The following SV2C variants were observed in gnomAD, a reference collection of about 807,000 sequenced individuals.
SV2C encodes the protein synaptic vesicle glycoprotein 2C, also known as solute carrier family 22 member B3.
A neutral mutation model predicts 79.7 loss-of-function variants in SV2C; 49 were observed. The observed-to-expected ratio is 0.61, with a 90% CI of 0.49 to 0.78. The LOEUF (loss-of-function observed/expected upper bound fraction) is 0.78. Ranked by LOEUF, SV2C falls within the 30% of genes least tolerant of loss-of-function variation. The pLI is 0.00. For missense variants in SV2C, 833 were observed against 912.9 expected, an observed-to-expected ratio of 0.91 and a Z score of 1.13; for synonymous variants, 334 against 333.2, an observed-to-expected ratio of 1.00 and a Z score of -0.03.
At chr5:76,057,315 G>A in the SV2C span, among the ~76,000 whole-genome samples, 1 of 151,944 alleles carries the variant, frequency 6.6e-6, no homozygotes, top group African/African-American at 2.4e-5. Context: ...TGCTATGTTG[G>A]TGTGCTGCAC....
intron 1 of SV2C, among the ~76,000 whole-genome samples, chr5:76,111,605 C>T (rs1403754098): frequency 6.6e-6 from 1 of 152,108 alleles, no homozygotes; most frequent in Non-Finnish European, 1.5e-5. Context: ...TTCTCCAGAC[C>T]GTACTGGCCG....
chr5:76,227,098 G>T (rs561753147), intron 4 of SV2C, among the ~76,000 whole-genome samples: 1 of 152,042 alleles, frequency 6.6e-6, no homozygotes, highest in Admixed American at 6.5e-5. Context: ...ATTGGCAGGC[G>T]ATGACACCTT....
At chr5:76,347,023 C>T (rs544732948) in intron 12 of SV2C, among the ~76,000 whole-genome samples, 36 of 152,264 alleles carry the variant, frequency 2.4e-4, no homozygotes, top group Non-Finnish European at 4.0e-4. Flanking sequence ...TGATAAAAAG[C>T]TCTTGGTGAG....
rs535698959 is a variant in SV2C at position 76,199,502 on chromosome 5, G to A, written c.761+4403G>A. ...TGGGTCTCAGAGAGTTTCCTGTTTT[G>A]TCTCCTTGGCAGCACTTACAACTGA... On this transcript the variant is annotated intron_variant, in intron 3 of 12. Transcript: ENST00000502798. 2.8e-4 allele frequency among the ~76,000 whole-genome samples: 43 copies of A among 152,246 alleles called. No individual in the cohort carries two copies. The East Asian group carries it at 8.1e-3, about 29-fold the overall frequency.
the SV2C span, among the ~76,000 whole-genome samples, chr5:75,861,115 TAAAC>T: frequency 6.6e-6 from 1 of 151,986 alleles, no homozygotes; most frequent in Non-Finnish European, 1.5e-5. Flanking sequence ...GTAAGGAACA[TAAAC>T]AAATTAACAA....
Position 76,243,012 on chromosome 5 carries a change from T to TAA in SV2C, c.913+33152_913+33153dup, listed in dbSNP as rs559052290. Among the ~76,000 whole-genome samples, 28 of 49,924 alleles carry TAA rather than the reference T, an allele frequency of 5.6e-4. 1 individual carries two copies. The highest frequency in any genetic ancestry group is 3.0e-3 in the South Asian group (2 of 672). The allele number at this position is 49,924 out of a possible 152,430, so 32.8% of individuals were successfully genotyped here. On this transcript the variant is annotated intron_variant, in intron 4 of 12. Coordinates refer to ENST00000502798, the MANE Select transcript of SV2C (RefSeq NM_014979.4). ...CTGTGCAACAGATCGAGACCCCATC[T>TAA]AAAAAAAAAAAAAAAAAAAAAAAAA...
chr5:76,348,909 G>A (rs983555366), intron 12 of SV2C, among the ~76,000 whole-genome samples: 1 of 149,314 alleles, frequency 6.7e-6, no homozygotes, highest in Admixed American at 6.6e-5. Context: ...CTGAGGCAGA[G>A]AACAGCTTGA....
chr5:76,311,719 A>G (rs1464334393), intron 12 of SV2C, among the ~76,000 whole-genome samples: 1 of 152,172 alleles, frequency 6.6e-6, no homozygotes, highest in Non-Finnish European at 1.5e-5. Context: ...TGAGCCAGAC[A>G]TAGAATGGAT....
At chr5:76,247,981 C>T (rs999126284) in intron 4 of SV2C, among the ~76,000 whole-genome samples, 2 of 152,100 alleles carry the variant, frequency 1.3e-5, no homozygotes, top group African/African-American at 4.8e-5. Context: ...ATAAGCAAGG[C>T]CGTAATGAAG....
intron 12 of SV2C, among the ~76,000 whole-genome samples, chr5:76,317,286 A>G (rs1293892573): frequency 2.0e-5 from 3 of 152,180 alleles, no homozygotes; most frequent in African/African-American, 7.2e-5. Context: ...TTAGATCACA[A>G]TGTCCTCCTG....
the SV2C span, among the ~76,000 whole-genome samples, chr5:75,954,447 G>T: frequency 6.6e-6 from 1 of 151,996 alleles, no homozygotes; most frequent in East Asian, 1.9e-4. Flanking sequence ...ACACTGAATG[G>T]GCAAAAACTG....
chr5:75,941,920 G>A, the SV2C span, among the ~76,000 whole-genome samples: 2 of 152,208 alleles, frequency 1.3e-5, no homozygotes, highest in East Asian at 3.8e-4. Context: ...GCTGCACAGA[G>A]AGGCCAGGAA....
In SV2C at chr5:76,346,004, G is replaced by C. The variant is rs143681709; in HGVS notation, c.2001-7126G>C. Reference sequence around the variant, plus strand: ...CATTTTTGTTCGCAATAAGCAAAGGGATATAGCCAGACCTGTGCTGGTAAG... The same window carrying C: ...CATTTTTGTTCGCAATAAGCAAAGGCATATAGCCAGACCTGTGCTGGTAAG... On this transcript the variant is annotated intron_variant, in intron 12 of 12. Transcript: ENST00000322285. 6.9e-3 allele frequency among the ~76,000 whole-genome samples: 1,054 copies of C among 152,246 alleles called. 6 individuals carry two copies. Among genetic ancestry groups the C allele is most frequent in the Admixed American group, 8.4e-3 (128 of 15,282 alleles).
the SV2C span, among the ~76,000 whole-genome samples, chr5:75,965,246 C>G: frequency 6.6e-6 from 1 of 152,158 alleles, no homozygotes; most frequent in South Asian, 2.1e-4. Context: ...GGCCTTCAAG[C>G]CACTAGGATC....
intron 4 of SV2C, among the ~76,000 whole-genome samples, chr5:76,238,020 T>TCA (rs1185787359): frequency 9.4e-5 from 8 of 85,286 alleles, no homozygotes; most frequent in African/African-American, 1.5e-4. Flanking sequence ...ATACACACAA[T>TCA]CACACATACA....
chr5:75,906,134 A>C, the SV2C span, among the ~76,000 whole-genome samples: 5 of 151,998 alleles, frequency 3.3e-5, no homozygotes, highest in African/African-American at 1.2e-4. Flanking sequence ...TTCCCAGTAG[A>C]TGACAGTAAC....
intron 3 of SV2C, among the ~76,000 whole-genome samples, chr5:76,196,348 G>A (rs757814519): frequency 5.3e-5 from 8 of 151,900 alleles, no homozygotes; most frequent in Admixed American, 2.6e-4. Flanking sequence ...TTTTGTTCTT[G>A]GGGAAAAAAA....
chr5:76,172,886 A>C (rs1246777931), intron 2 of SV2C, among the ~76,000 whole-genome samples: 2 of 101,230 alleles, frequency 2.0e-5, no homozygotes, highest in Non-Finnish European at 3.9e-5. Context: ...CCTAATCTCA[A>C]GTACCCAGGG....
chr5:76,038,837 ACT>A, the SV2C span, among the ~76,000 whole-genome samples: 2 of 152,308 alleles, frequency 1.3e-5, no homozygotes, highest in East Asian at 3.9e-4. Flanking sequence ...TTAATGAATA[ACT>A]CTGTAACAGC....
Sources: allele counts gnomAD v4.1 joint callset (sites outside exome capture counted in the v4.1 genomes callset), GRCh38; gene constraint gnomAD v4.1.1; transcripts MANE v1.5; gene names NCBI Gene and HGNC (gene_info 2026-07-23, HGNC 2026-07-21).